GDF10: variants seen among roughly 807,000 people sequenced by gnomAD.
The protein encoded by GDF10 is growth/differentiation factor 10.
In GDF10, 23 loss-of-function variants were observed where a neutral mutation model predicts 32.1. That is an observed-to-expected ratio of 0.72 (90% CI 0.52 to 1.02). GDF10 has a LOEUF of 1.02. Among genes scored for constraint, GDF10 ranks in the 50% least tolerant of loss-of-function variants. The probability of loss-of-function intolerance (pLI) is 0.00; values close to 1 mark genes in which losing one functional copy is unlikely to be tolerated. For missense variants in GDF10, 764 were observed against 673.9 expected, an observed-to-expected ratio of 1.13 and a Z score of -1.48; for synonymous variants, 328 against 303.1, an observed-to-expected ratio of 1.08 and a Z score of -0.85.
Position 47,309,798 on chromosome 10 carries a change from G to T in GDF10, c.322G>T (p.Val108Leu), listed in dbSNP as rs782498207. The T allele has an allele frequency of 1.9e-6, 3 of 1,602,164 alleles. No homozygotes were observed. In the East Asian group the frequency reaches 6.7e-5, roughly 36 times the overall value. The part of the protein sequence containing the change: ...TVRSFRARLE[V>L]VDQKAVYFFN... ...TGTGGTCTCTCCTTCCCTCACAGAA[G>T]TGGTCGACCAGAAGGCCGTGTATTT... Residue 108 changes from valine (V) to leucine (L), a missense_variant and splice_region_variant, in exon 2 of 3, where the codon GTG (valine) becomes TTG (leucine). Coordinates refer to ENST00000580279, the MANE Select transcript of GDF10 (RefSeq NM_004962.5).
At chr10:47,305,693 G>A (rs148423384) in intron 1 of GDF10, among the ~76,000 whole-genome samples, 1 of 152,290 alleles carries the variant, frequency 6.6e-6, no homozygotes, top group East Asian at 1.9e-4. Flanking sequence ...GAGTTGACCA[G>A]CAGTGGGGCT....
intron 1 of GDF10, among the ~76,000 whole-genome samples, chr10:47,306,534 C>T (rs1409347752): frequency 6.6e-6 from 1 of 152,352 alleles, no homozygotes; most frequent in South Asian, 2.1e-4. Context: ...ATGGTGAGGT[C>T]TAGCGGTGCA....
intron 1 of GDF10, among the ~76,000 whole-genome samples, chr10:47,304,572 T>A (rs1027098815): frequency 1.3e-5 from 2 of 152,188 alleles, no homozygotes; most frequent in African/African-American, 4.8e-5. Context: ...TAGTATGATA[T>A]TTTGGTAGAA....
At chr10:47,304,029 G>A (rs901915133) in intron 1 of GDF10, among the ~76,000 whole-genome samples, 8 of 152,262 alleles carry the variant, frequency 5.3e-5, no homozygotes, top group Non-Finnish European at 1.0e-4. Context: ...GGGGTGCTGC[G>A]GGAGCCCAAA....
chr10:47,304,627 A>T (rs35039836), intron 1 of GDF10, among the ~76,000 whole-genome samples: 1 of 152,286 alleles, frequency 6.6e-6, no homozygotes, highest in South Asian at 2.1e-4. Context: ...TCCACTATCT[A>T]TATCTCCATT....
In GDF10 at chr10:47,309,987, C is replaced by T; in HGVS notation, c.511C>T (p.His171Tyr). 1 of 1,611,128 alleles carries T rather than the reference C, an allele frequency of 6.2e-7. No individual in the cohort carries two copies. Among genetic ancestry groups the T allele is most frequent in the Non-Finnish European group, 8.5e-7 (1 of 1,178,840 alleles). Residue 171 changes from histidine to tyrosine, a missense_variant, in exon 2 of 3, where the codon CAC becomes TAC. By Grantham distance (83) the His-to-Tyr change is moderately conservative. Coordinates refer to ENST00000580279, the MANE Select transcript of GDF10 (RefSeq NM_004962.5). ...GCCCCTGGGCCCGCCCACACGCCAG[C>T]ACCTGCTCTTCCGCAGCCTCTCGCA... ...PLPLGPPTRQ[H>Y]LLFRSLSQNT...
chr10:47,307,251 AGAG>A (rs1555207237), intron 1 of GDF10, among the ~76,000 whole-genome samples: 1 of 152,148 alleles, frequency 6.6e-6, no homozygotes, highest in Non-Finnish European at 1.5e-5. Flanking sequence ...AAAGAGAAGA[AGAG>A]GAAGAAAGAA....
In GDF10 at chr10:47,310,339, T is replaced by C; in HGVS notation, c.863T>C (p.Val288Ala). Reference sequence around the variant, plus strand: ...CCCAACAACTCAGCGGACCCCCGCGTGCGCCGAGCCGCGCAGGCCACTGGG... The same window carrying C: ...CCCAACAACTCAGCGGACCCCCGCGCGCGCCGAGCCGCGCAGGCCACTGGG... Reference protein sequence around the residue: ...AAPNNSADPRVRRAAQATGPL... With the variant: ...AAPNNSADPRARRAAQATGPL... The change falls in exon 2 of 3, where the codon GTG becomes GCG. Residue 288 changes from valine (V) to alanine (A), a missense_variant. Coordinates refer to ENST00000580279, the MANE Select transcript of GDF10 (RefSeq NM_004962.5). 6.2e-7 allele frequency: 1 copy of C among 1,605,674 alleles called. No individual in the cohort carries two copies. Among genetic ancestry groups the C allele is most frequent in the Non-Finnish European group, 8.5e-7 (1 of 1,176,762 alleles).
At chr10:47,307,617 C>G (rs577581521) in intron 1 of GDF10, among the ~76,000 whole-genome samples, 1 of 152,352 alleles carries the variant, frequency 6.6e-6, no homozygotes, top group African/African-American at 2.4e-5. Context: ...GCAGGCTGCC[C>G]AGTGAGGGCT....
At position 47,313,517 on chromosome 10, in the gene GDF10, T is replaced by A. The variant is rs1287726578; in HGVS notation, c.*725T>A. The stretch of plus-strand genomic sequence containing the variant: ...ATTATACTTTCTATACTGTAGATTG[T>A]GTATGTTATGTGTTTTTATGGAAAG... On this transcript the variant is annotated 3_prime_UTR_variant, in exon 3 of 3. Coordinates refer to ENST00000580279, the MANE Select transcript of GDF10 (RefSeq NM_004962.5). 1.3e-5 allele frequency: 2 copies of A among 152,638 alleles called. No individual in the cohort carries two copies. The highest frequency in any genetic ancestry group is 4.8e-5 in the African/African-American group (2 of 41,440). The allele number at this position is 152,638 out of a possible 1,614,324, so 9.5% of individuals were successfully genotyped here.
chr10:47,300,499 C>G lies in GDF10; in HGVS notation c.-153C>G, dbSNP rs1219774682. On this transcript the variant is annotated 5_prime_UTR_variant, in exon 1 of 3. Coordinates refer to ENST00000580279, the MANE Select transcript of GDF10 (RefSeq NM_004962.5). ...GCGCCCGGGTGCCTGCTCCGCTAAG[C>G]CCCTCGCCCCGCGCGGACCTCGGTA... is the stretch of plus-strand genomic sequence containing the variant. The G allele has an allele frequency of 3.1e-6, 2 of 643,346 alleles. No homozygotes were observed. The highest frequency in any genetic ancestry group is 3.9e-5 in the African/African-American group (2 of 51,016). 39.9% of individuals were successfully genotyped at this position (643,346 alleles called of 1,614,324 possible).
At chr10:47,302,577 G>A (rs2132220117) in intron 1 of GDF10, among the ~76,000 whole-genome samples, 1 of 152,342 alleles carries the variant, frequency 6.6e-6, no homozygotes, top group Admixed American at 6.5e-5. Context: ...AAAGGGGGTA[G>A]TACAAGTAGC....
chr10:47,300,772 T>C lies in GDF10; in HGVS notation c.121T>C (p.Ser41Pro), dbSNP rs1017952693. The part of the protein sequence containing the change: ...VAGSHRAPAW[S>P]ALPAAADGLQ... Reference sequence around the variant, plus strand: ...CGGCAGCCACAGGGCCCCCGCCTGGTCCGCACTGCCCGCGGCCGCCGACGG... The same window carrying C: ...CGGCAGCCACAGGGCCCCCGCCTGGCCCGCACTGCCCGCGGCCGCCGACGG... Residue 41 changes from serine (S) to proline (P), a missense_variant, in exon 1 of 3, where the codon TCC becomes CCC. Transcript: ENST00000580279. 1 of 1,570,878 alleles carries C rather than the reference T, an allele frequency of 6.4e-7. No homozygotes were observed. Among genetic ancestry groups the C allele is most frequent in the East Asian group, 2.3e-5 (1 of 42,934 alleles).
intron 1 of GDF10, among the ~76,000 whole-genome samples, chr10:47,302,768 C>G (rs1423452088): frequency 2.6e-5 from 4 of 152,220 alleles, no homozygotes; most frequent in African/African-American, 9.7e-5. Context: ...TGTCATCTCC[C>G]TCAGAGCTAT....
At chr10:47,309,567 G>A (rs149874057) in intron 1 of GDF10, among the ~76,000 whole-genome samples, 3 of 152,132 alleles carry the variant, frequency 2.0e-5, no homozygotes, top group Non-Finnish European at 4.4e-5. Context: ...TGTTTGCTAC[G>A]GGATATTGAC....
In GDF10 at chr10:47,300,351, C is replaced by G; in HGVS notation, c.-301C>G. ...GCCGGGCCGGGCGCGCAGTGGGCTA[C>G]AAACTTTCGCGGCGCGAGTCCGCCA... On this transcript the variant is annotated 5_prime_UTR_variant, in exon 1 of 3. Coordinates refer to ENST00000580279, the MANE Select transcript of GDF10 (RefSeq NM_004962.5). 1 of 307,122 alleles carries G rather than the reference C, an allele frequency of 3.3e-6. No homozygotes were observed. Among genetic ancestry groups the G allele is most frequent in the South Asian group, 1.5e-4 (1 of 6,686 alleles). The allele number at this position is 307,122 out of a possible 1,614,324, so 19.0% of individuals were successfully genotyped here. A position where few individuals can be genotyped will look rare whatever the true frequency, so the allele number is the denominator to read the frequency against.
At position 47,312,706 on chromosome 10, in the gene GDF10, C is replaced by T. The variant is rs1555207894; in HGVS notation, c.1351C>T (p.Leu451Phe). Residue 451 changes from leucine to phenylalanine, a missense_variant, in exon 3 of 3, where the codon CTT (leucine) becomes TTT (phenylalanine). Physicochemically the swap from Leu to Phe is conservative, Grantham distance 22 (BLOSUM62 0). Coordinates refer to ENST00000580279, the MANE Select transcript of GDF10 (RefSeq NM_004962.5). ...PCCVPDKMNSLGVLFLDENRN... is the reference protein window; with the variant it reads ...PCCVPDKMNSFGVLFLDENRN... ...CTGTGTTCCCGATAAGATGAACTCC[C>T]TTGGGGTCCTCTTCCTGGATGAGAA... 19 of 1,609,080 alleles carry T rather than the reference C, an allele frequency of 1.2e-5. No homozygotes were observed. Among genetic ancestry groups the T allele is most frequent in the Non-Finnish European group, 1.5e-5 (18 of 1,177,178 alleles).
At chr10:47,307,809 A>G (rs2061028392) in intron 1 of GDF10, among the ~76,000 whole-genome samples, 1 of 152,240 alleles carries the variant, frequency 6.6e-6, no homozygotes, top group Admixed American at 6.5e-5. Flanking sequence ...AGATATTTGG[A>G]TCAGTGAATG....
chr10:47,303,505 A>AT (rs1282093384), intron 1 of GDF10, among the ~76,000 whole-genome samples: 30 of 152,052 alleles, frequency 2.0e-4, no homozygotes, highest in Admixed American at 6.5e-4. Context: ...TCCTTATAGG[A>AT]TTTTTTTTAA....
Sources: allele counts gnomAD v4.1 joint callset (sites outside exome capture counted in the v4.1 genomes callset), GRCh38; gene constraint gnomAD v4.1.1; transcripts MANE v1.5; gene names NCBI Gene and HGNC (gene_info 2026-07-23, HGNC 2026-07-21).